Variants in LRP1 observed in about 807,000 individuals in gnomAD.
The protein encoded by LRP1 is prolow-density lipoprotein receptor-related protein 1.
LRP1 carries 51 observed loss-of-function variants against 541.5 expected under a neutral mutation model. That is an observed-to-expected ratio of 0.09 (90% CI 0.08 to 0.12). The LOEUF (loss-of-function observed/expected upper bound fraction) is 0.12, where lower values mean the gene tolerates loss of function less well. Among genes scored for constraint, LRP1 ranks in the 10% least tolerant of loss-of-function variants. The pLI, the probability that LRP1 is intolerant of heterozygous loss-of-function variation, is 1.00. For missense variants in LRP1, 3,878 were observed against 6,376.2 expected, an observed-to-expected ratio of 0.61 and a Z score of 13.34; for synonymous variants, 2,219 against 2,470.8, an observed-to-expected ratio of 0.90 and a Z score of 3.02.
Position 57,192,936 on chromosome 12 carries a change from G to T in LRP1, c.7521G>T (p.Gly2507=), listed in dbSNP as rs767773813. The change falls in exon 45 of 89, where the codon GGG becomes GGT. Residue 2507 remains glycine, a synonymous_variant. Coordinates refer to ENST00000243077, the MANE Select transcript of LRP1 (RefSeq NM_002332.3). The stretch of plus-strand genomic sequence containing the variant: ...GCCATGTCAACTGCTCATGCCGAGG[G>T]GGCCGAATCCTCCAGGATGACCTCA... ...HQGHVNCSCR[G]GRILQDDLTC... is the part of the protein sequence containing the mutation. 2.0e-5 allele frequency: 33 copies of T among 1,613,906 alleles called. No individual in the cohort carries two copies. In the Middle Eastern group the frequency reaches 4.9e-4, roughly 24 times the overall value.
In LRP1 at chr12:57,159,964, A is replaced by G; in HGVS notation, c.1938A>G (p.Lys646=). The stretch of plus-strand genomic sequence containing the variant: ...CCCGCAAGACTTTAATCGAGGGCAA[A>G]ATGACACACCCCAGGGCTATTGTGG... ...AQTRKTLIEG[K]MTHPRAIVVD... is the part of the protein sequence containing the mutation. Residue 646 remains lysine (K), a synonymous_variant, in exon 12 of 89, where the codon AAA becomes AAG. Transcript: ENST00000243077. The G allele has an allele frequency of 6.2e-7, 1 of 1,614,044 alleles. No individual in the cohort carries two copies. Among genetic ancestry groups the G allele is most frequent in the Non-Finnish European group, 8.5e-7 (1 of 1,179,994 alleles).
intron 2 of LRP1, among the ~76,000 whole-genome samples, chr12:57,141,072 AC>A (rs2035279754): frequency 6.6e-6 from 1 of 152,146 alleles, no homozygotes; most frequent in Admixed American, 6.5e-5. Flanking sequence ...GTCATCAAAA[AC>A]CAGGCTGTCT....
intron 77 of LRP1, 146 bp downstream of exon 77, chr12:57,208,362 C>T: frequency 1.1e-6 from 1 of 873,394 alleles, no homozygotes; most frequent in Non-Finnish European, 1.7e-6. Context: ...TCTTCTCGGC[C>T]ACCCCTGCCT....
chr12:57,211,115 A>G lies in LRP1; in HGVS notation c.12917-61A>G. 1.9e-6 allele frequency: 3 copies of G among 1,566,810 alleles called. No homozygotes were observed. Among genetic ancestry groups the G allele is most frequent in the South Asian group, 2.3e-5 (2 of 88,422 alleles). On this transcript the variant is annotated intron_variant, in intron 83 of 88. Transcript: ENST00000243077. This position sits in a 1 kb window ranked among gnomAD's most constrained non-coding sequence, Gnocchi z 4.3. Reference sequence around the variant, plus strand: ...TATGCAAACAGAAAAGCTCTGTTCAACCTATGGAGAGCCCTCATGAGGGTG... The same window carrying G: ...TATGCAAACAGAAAAGCTCTGTTCAGCCTATGGAGAGCCCTCATGAGGGTG...
rs1480362559 is a variant in LRP1, at chr12:57,204,121, T to C, written c.10952-289T>C. Reference sequence around the variant, plus strand: ...GCTGTGGAACTACACAGCCCAGTGCTGTTCCCACGTCCCCGCTGTGGAACT... The same window carrying C: ...GCTGTGGAACTACACAGCCCAGTGCCGTTCCCACGTCCCCGCTGTGGAACT... On this transcript the variant is annotated intron_variant, in intron 70 of 88. Transcript: ENST00000243077. The surrounding 1 kb of genome is among the most constrained non-coding windows in gnomAD (Gnocchi z 5.3). The C allele has an allele frequency of 1.5e-5, 5 of 325,130 alleles. No homozygotes were observed. Among genetic ancestry groups the C allele is most frequent in the Non-Finnish European group, 2.3e-5 (4 of 177,734 alleles). The allele number at this position is 325,130 out of a possible 1,614,324, so 20.1% of individuals were successfully genotyped here.
intron 19 of LRP1, 76 bp from the exon 20 acceptor site, chr12:57,169,064 G>A (rs1326576568): frequency 2.2e-6 from 3 of 1,385,906 alleles, no homozygotes; most frequent in Non-Finnish European, 3.0e-6. Flanking sequence ...CTGGGCAGGG[G>A]GCCCAAGCTG....
In LRP1 at chr12:57,138,439, C is replaced by G. The variant is rs772905883; in HGVS notation, c.68-20C>G. The G allele has an allele frequency of 1.9e-5, 30 of 1,612,536 alleles. No individual in the cohort carries two copies. The highest frequency in any genetic ancestry group is 2.4e-5 in the Non-Finnish European group (28 of 1,179,128). On this transcript the variant is annotated intron_variant, in intron 1 of 88. Coordinates refer to ENST00000243077, the MANE Select transcript of LRP1 (RefSeq NM_002332.3). ...GGCCTCCATCCTTCATTTATATCCCCTTTTCTTTCCTTGCCCTAGCCCCTA... is the reference window on the plus strand; with the variant it reads ...GGCCTCCATCCTTCATTTATATCCCGTTTTCTTTCCTTGCCCTAGCCCCTA...
At chr12:57,138,819 A>C (rs2035228497) in intron 2 of LRP1, among the ~76,000 whole-genome samples, 1 of 152,188 alleles carries the variant, frequency 6.6e-6, no homozygotes, top group African/African-American at 2.4e-5. Context: ...ACCCCAAGAC[A>C]GTGTTCTCTG....
Position 57,210,400 on chromosome 12 carries a change from G to A in LRP1, c.12674G>A (p.Arg4225His), listed in dbSNP as rs753781448. Reference sequence around the variant, plus strand: ...CAGCCCAAGTGCCGCTGCCAACCCCGCTACACGGGTGACAAGTGTGAACTG... The same window carrying A: ...CAGCCCAAGTGCCGCTGCCAACCCCACTACACGGGTGACAAGTGTGAACTG... ...RRQPKCRCQP[R>H]YTGDKCELDQ... Residue 4225 changes from arginine (R) to histidine (H), a missense_variant, in exon 82 of 89, where the codon CGC (arginine) becomes CAC (histidine). Transcript: ENST00000243077. 2.5e-6 allele frequency: 4 copies of A among 1,606,280 alleles called. No individual in the cohort carries two copies. The highest frequency in any genetic ancestry group is 2.7e-5 in the African/African-American group (2 of 74,758).
At chr12:57,199,819 A>G (rs1472581171) in intron 61 of LRP1, 58 bp from the exon 62 acceptor site, 1 of 1,538,394 alleles carries the variant, frequency 6.5e-7, no homozygotes, top group African/African-American at 1.4e-5. Flanking sequence ...AGAGTGAGTG[A>G]GGCAGCCTTT....
At chr12:57,207,984 G>A in intron 76 of LRP1, 54 bp from the exon 77 acceptor site, 1 of 1,585,134 alleles carries the variant, frequency 6.3e-7, no homozygotes, top group South Asian at 1.1e-5. Context: ...GGTGGCGGGG[G>A]GATAATGGCA....
At chr12:57,134,185 T>G (rs146198575) in intron 1 of LRP1, among the ~76,000 whole-genome samples, 3 of 152,304 alleles carry the variant, frequency 2.0e-5, no homozygotes, top group Non-Finnish European at 4.4e-5. Context: ...ACATTCATCT[T>G]CAGGCAAAGC....
chr12:57,155,676 C>T lies in LRP1; in HGVS notation c.1228-418C>T, dbSNP rs762629965. 31 of 161,406 alleles carry T rather than the reference C, an allele frequency of 1.9e-4. 1 individual carries two copies. Among genetic ancestry groups the T allele is most frequent in the East Asian group, 7.5e-4 (4 of 5,326 alleles). 10.0% of individuals were successfully genotyped at this position (161,406 alleles called of 1,614,324 possible). A position where few individuals can be genotyped will look rare whatever the true frequency, so the allele number is the denominator to read the frequency against. On this transcript the variant is annotated intron_variant, in intron 8 of 88. Coordinates refer to ENST00000243077, the MANE Select transcript of LRP1 (RefSeq NM_002332.3). ...AGTTAAAAAATGGTGGGGCCAGGCACGGTAGCCCACACCTGTAATCCCAGC... is the reference window on the plus strand; with the variant it reads ...AGTTAAAAAATGGTGGGGCCAGGCATGGTAGCCCACACCTGTAATCCCAGC...
chr12:57,164,857 G>A (rs2035808098), intron 15 of LRP1: 1 of 152,202 alleles, frequency 6.6e-6, no homozygotes, highest in Non-Finnish European at 1.5e-5. Context: ...TGGCTGAGAG[G>A]GTTAAGGAAT....
Position 57,195,605 on chromosome 12 carries a change from G to A in LRP1, c.8438-53G>A, listed in dbSNP as rs971304637. 24 of 1,612,700 alleles carry A rather than the reference G, an allele frequency of 1.5e-5. No homozygotes were observed. The Admixed American group carries it at 1.8e-4, about 12-fold the overall frequency. ...ACCACAGGAGGTTAGAGTGAGGGAC[G>A]GTCGGCCGCTGGCCAGGCAGGGCTG... On this transcript the variant is annotated intron_variant, in intron 52 of 88. Transcript: ENST00000243077.
intron 6 of LRP1, among the ~76,000 whole-genome samples, chr12:57,150,987 C>T (rs944968902): frequency 3.3e-5 from 5 of 151,650 alleles, no homozygotes; most frequent in African/African-American, 1.2e-4. Flanking sequence ...GGTCCAGGGA[C>T]CTCTTTGGAT....
At chr12:57,180,582 G>A (rs767202767) in intron 32 of LRP1, 85 bp from the exon 33 acceptor site, 2 of 1,607,632 alleles carry the variant, frequency 1.2e-6, no homozygotes, top group Non-Finnish European at 1.7e-6. Context: ...TGTGGGGCGG[G>A]CCTGATGACT....
chr12:57,211,335 G>A lies in LRP1; in HGVS notation c.13076G>A (p.Gly4359Glu). 1 of 1,613,962 alleles carries A rather than the reference G, an allele frequency of 6.2e-7. No individual in the cohort carries two copies. Among genetic ancestry groups the A allele is most frequent in the Non-Finnish European group, 8.5e-7 (1 of 1,180,006 alleles). ...GCCTGTGTGGTCAACAAGCAGAGTGGGGATGTCACCTGCAAGTGAGTGGGG... is the reference window on the plus strand; with the variant it reads ...GCCTGTGTGGTCAACAAGCAGAGTGAGGATGTCACCTGCAAGTGAGTGGGG... ...EGACVVNKQSGDVTCNCTDGR... is the reference protein window; with the variant it reads ...EGACVVNKQSEDVTCNCTDGR... Residue 4359 changes from glycine (G) to glutamate (E), a missense_variant, in exon 84 of 89, where the codon GGG becomes GAG. Around this residue, in one of 13 missense-constraint regions of LRP1, gnomAD observed 871 missense variants for 1,212.4 expected, o/e 0.72. Coordinates refer to ENST00000243077, the MANE Select transcript of LRP1 (RefSeq NM_002332.3). The surrounding 1 kb of genome is among the most constrained non-coding windows in gnomAD (Gnocchi z 4.3).
chr12:57,140,006 A>T (rs1043345585), intron 2 of LRP1, among the ~76,000 whole-genome samples: 1 of 152,254 alleles, frequency 6.6e-6, no homozygotes, highest in Non-Finnish European at 1.5e-5. Context: ...CACCGTGTCC[A>T]GGCTTGGGGG....
Sources: gnomAD v4.1 joint callset for allele counts (sites outside exome capture counted in the v4.1 genomes callset) on GRCh38, gnomAD v4.1.1 for gene constraint, gnomAD v4.1.1 regional missense constraint, Gnocchi (gnomAD v3.1) non-coding constraint, MANE v1.5 for transcripts, NCBI Gene and HGNC (gene_info 2026-07-23, HGNC 2026-07-21) for gene names.